PPM1B: variants seen among roughly 807,000 people sequenced by gnomAD.
PPM1B encodes the protein protein phosphatase 1B.
Under a neutral mutation model 43.0 loss-of-function variants are expected in PPM1B, and 22 were observed. That is an observed-to-expected ratio of 0.51 (90% confidence interval 0.37 to 0.73). The LOEUF (loss-of-function observed/expected upper bound fraction) is 0.73. Among genes scored for constraint, PPM1B ranks in the 30% least tolerant of loss-of-function variants. The pLI is 0.00. For missense variants in PPM1B, 632 were observed against 584.2 expected (o/e 1.08, Z -0.84); for synonymous variants, 217 against 197.9 (o/e 1.10, Z -0.81).
chr2:44,171,404 GT>G (rs1187355858), intron 1 of PPM1B, among the ~76,000 whole-genome samples: 1 of 152,180 alleles, frequency 6.6e-6, no homozygotes, highest in Non-Finnish European at 1.5e-5. Context: ...CTTGTTGAAA[GT>G]TATCTTTTCT....
chr2:44,236,441 G>A (rs1670616821), downstream of PPM1B, among the ~76,000 whole-genome samples: 1 of 110,220 alleles, frequency 9.1e-6, no homozygotes. Flanking sequence ...GTAATGAACT[G>A]GTCTTCCTAT....
rs779363304 is a variant in PPM1B at position 44,209,291 on chromosome 2, TCA to T, written c.929_930del (p.Ser310Ter). 1.2e-6 allele frequency: 2 copies of T among 1,614,130 alleles called. No individual in the cohort carries two copies. The highest frequency in any genetic ancestry group is 1.7e-6 in the Non-Finnish European group (2 of 1,179,974). On this transcript the variant is annotated frameshift_variant, in exon 3 of 6. Coordinates refer to ENST00000282412, the MANE Select transcript of PPM1B (RefSeq NM_002706.6). LOFTEE classifies it high-confidence loss of function. ...CTCAGATGAAGCGGTGAAAAAAGATTCAGAGTTGGATAAGCACTTGGAATCAC... is the reference window on the plus strand; with the variant it reads ...CTCAGATGAAGCGGTGAAAAAAGATTGAGTTGGATAAGCACTTGGAATCAC... Reference protein sequence around the residue: ...KVSDEAVKKDSELDKHLESRV... With the variant: ...KVSDEAVKKDXELDKHLESRV...
At chr2:44,205,621 T>G (rs1669155092) in intron 2 of PPM1B, among the ~76,000 whole-genome samples, 1 of 151,098 alleles carries the variant, frequency 6.6e-6, no homozygotes, top group South Asian at 2.1e-4. Flanking sequence ...GGATTTTTTC[T>G]TTTTTTGTAT....
intron 2 of PPM1B, among the ~76,000 whole-genome samples, chr2:44,205,165 TAAA>T (rs1286216856): frequency 6.6e-6 from 1 of 152,074 alleles, no homozygotes; most frequent in Non-Finnish European, 1.5e-5. Context: ...GTGAACAAAA[TAAA>T]AAGTTTTTTT....
At chr2:44,244,592 C>T (rs977271303), downstream of PPM1B, among the ~76,000 whole-genome samples, 1 of 151,910 alleles carries the variant, frequency 6.6e-6, no homozygotes, top group Non-Finnish European at 1.5e-5. Flanking sequence ...CTAAAAGCAC[C>T]ATTTAAATCG....
intron 3 of PPM1B, among the ~76,000 whole-genome samples, chr2:44,213,107 T>G (rs953476381): frequency 6.7e-6 from 1 of 149,546 alleles, no homozygotes; most frequent in Non-Finnish European, 1.5e-5. Flanking sequence ...TAAGGCCCTT[T>G]TTTTTTTTTT....
At chr2:44,236,657 G>T (rs139205275), downstream of PPM1B, among the ~76,000 whole-genome samples, 2 of 152,040 alleles carry the variant, frequency 1.3e-5, no homozygotes, top group Non-Finnish European at 2.9e-5. Context: ...TGGAAAATAC[G>T]CAAACCAGAG....
At chr2:44,174,763 T>A (rs1667502641) in intron 1 of PPM1B, among the ~76,000 whole-genome samples, 1 of 152,206 alleles carries the variant, frequency 6.6e-6, no homozygotes, top group African/African-American at 2.4e-5. Context: ...TGATTGTAGG[T>A]ATCAAGAGCA....
chr2:44,205,670 A>G (rs1669157754), intron 2 of PPM1B, among the ~76,000 whole-genome samples: 1 of 151,934 alleles, frequency 6.6e-6, no homozygotes. Flanking sequence ...TTACTTTGTC[A>G]CCTGTTTTGT....
At position 44,176,848 on chromosome 2, in the gene PPM1B, C is replaced by G. The variant is rs919121240; in HGVS notation, c.-15+7574C>G. ...ACTGGCTGGGGTGCAGTGGTGCAAT[C>G]TCGGCTCATTGCAGCCGCCACCTCC... On this transcript the variant is annotated intron_variant, in intron 1 of 5. Coordinates refer to ENST00000282412, the MANE Select transcript of PPM1B (RefSeq NM_002706.6). Among the ~76,000 whole-genome samples the G allele has an allele frequency of 4.6e-5, 7 of 152,276 alleles. No homozygotes were observed. The East Asian group carries it at 5.8e-4, about 13-fold the overall frequency.
intron 1 of PPM1B, among the ~76,000 whole-genome samples, chr2:44,197,711 C>T (rs938372471): frequency 5.9e-5 from 9 of 152,092 alleles, no homozygotes; most frequent in East Asian, 3.9e-4. Flanking sequence ...TTAATAGGTT[C>T]GATTTCTGAT....
chr2:44,212,806 T>A (rs372533144), intron 3 of PPM1B, among the ~76,000 whole-genome samples: 1 of 152,190 alleles, frequency 6.6e-6, no homozygotes, highest in East Asian at 1.9e-4. Context: ...GTCTGGAGAT[T>A]GAGACCATCC....
intron 5 of PPM1B, among the ~76,000 whole-genome samples, chr2:44,239,787 C>G (rs1456451747): frequency 6.6e-6 from 1 of 152,164 alleles, no homozygotes; most frequent in Non-Finnish European, 1.5e-5. Context: ...TTCCATCCAG[C>G]TAGCTAATTG....
chr2:44,190,300 G>C (rs532535848), intron 1 of PPM1B, among the ~76,000 whole-genome samples: 1 of 151,736 alleles, frequency 6.6e-6, no homozygotes, highest in East Asian at 1.9e-4. Context: ...GACTATAGGT[G>C]CCCGCCACCA....
downstream of PPM1B, chr2:44,234,567 G>C (rs1297197403): frequency 6.1e-6 from 6 of 985,094 alleles, no homozygotes; most frequent in South Asian, 1.9e-4. Flanking sequence ...GGGGCAGGGT[G>C]GGGGTTACTG....
chr2:44,234,150 A>G (rs1670545228), downstream of PPM1B: 2 of 973,362 alleles, frequency 2.1e-6, no homozygotes, highest in Non-Finnish European at 1.2e-6. Context: ...ATTTAATTCC[A>G]AAGAGGAATT....
downstream of PPM1B, among the ~76,000 whole-genome samples, chr2:44,237,428 A>G (rs1670649597): frequency 6.6e-6 from 1 of 152,002 alleles, no homozygotes; most frequent in Admixed American, 6.6e-5. Context: ...TTCCTGTTTC[A>G]GTTTTATTTT....
rs752612686 is a variant in PPM1B at position 44,244,336 on chromosome 2, T to G, written n.1655T>G. The G allele has an allele frequency of 4.7e-5, 64 of 1,358,238 alleles. No homozygotes were observed. In the Admixed American group the frequency reaches 1.2e-3, roughly 25 times the overall value. 84.1% of individuals were successfully genotyped at this position (1,358,238 alleles called of 1,614,324 possible). The stretch of plus-strand genomic sequence containing the variant: ...ACTCAGAAGCACGCGGACAAAAAGG[T>G]TTTTTTGTAAACCCGAACGAAAAAT... On this transcript the variant is annotated non_coding_transcript_exon_variant, in exon 6 of 6. Coordinates refer to the PPM1B transcript ENST00000378540.
At chr2:44,216,740 A>T (rs1669736354) in intron 3 of PPM1B, among the ~76,000 whole-genome samples, 1 of 152,098 alleles carries the variant, frequency 6.6e-6, no homozygotes, top group Non-Finnish European at 1.5e-5. Context: ...AGCCTGGCCA[A>T]CATGGTGAAA....
Sources: gnomAD v4.1 joint callset for allele counts (sites outside exome capture counted in the v4.1 genomes callset) on GRCh38, gnomAD v4.1.1 for gene constraint, MANE v1.5 for transcripts, NCBI Gene and HGNC (gene_info 2026-07-23, HGNC 2026-07-21) for gene names.